The following SPATA7 variants were observed in gnomAD, a reference collection of about 807,000 sequenced individuals.
SPATA7 encodes the protein spermatogenesis associated 7.
In SPATA7, 43 loss-of-function variants were observed where a neutral mutation model predicts 51.8. The observed-to-expected ratio is 0.83, with a 90% CI of 0.65 to 1.07. SPATA7 has a LOEUF of 1.07. Among genes scored for constraint, SPATA7 ranks in the 50% least tolerant of loss-of-function variants. The pLI, the probability that SPATA7 is intolerant of heterozygous loss-of-function variation, is 0.00. For synonymous variants in SPATA7, 230 were observed against 252.8 expected, an observed-to-expected ratio of 0.91 and a Z score of 0.86; for missense variants, 683 against 701.3, an observed-to-expected ratio of 0.97 and a Z score of 0.30.
intron 10 of SPATA7, among the ~76,000 whole-genome samples, chr14:88,436,235 T>A (rs1242417030): frequency 2.0e-5 from 3 of 152,214 alleles, no homozygotes; most frequent in Admixed American, 6.5e-5. Flanking sequence ...TATTCAAATC[T>A]TTTGCCCATT....
intron 3 of SPATA7, among the ~76,000 whole-genome samples, chr14:88,454,440 T>G (rs1202392714): frequency 6.6e-6 from 1 of 152,166 alleles, no homozygotes; most frequent in African/African-American, 2.4e-5. Context: ...TTCAGGGGAT[T>G]AGGATATGGA....
intron 9 of SPATA7, among the ~76,000 whole-genome samples, chr14:88,432,247 A>T (rs2076961771): frequency 6.6e-6 from 1 of 152,110 alleles, no homozygotes; most frequent in African/African-American, 2.4e-5. Context: ...AAAATAATTT[A>T]TAAAATTTTA....
intron 9 of SPATA7, among the ~76,000 whole-genome samples, chr14:88,431,856 G>A (rs958965362): frequency 7.9e-5 from 12 of 152,020 alleles, no homozygotes; most frequent in African/African-American, 2.9e-4. Flanking sequence ...ATTCATCTGT[G>A]AACACTAATC....
intron 2 of SPATA7, chr14:88,391,799 A>C (rs1367705958): frequency 9.9e-6 from 3 of 301,664 alleles, no homozygotes; most frequent in Admixed American, 4.6e-5. Context: ...TGAAAAGGAA[A>C]AGCTGTGCAG....
chr14:88,462,774 A>C (rs2077325583), intron 4 of SPATA7, among the ~76,000 whole-genome samples: 1 of 152,222 alleles, frequency 6.6e-6, no homozygotes, highest in African/African-American at 2.4e-5. Flanking sequence ...TAATGATCAA[A>C]ACATTTATCT....
chr14:88,420,724 AT>A (rs1460170450), intron 5 of SPATA7, among the ~76,000 whole-genome samples: 9 of 152,156 alleles, frequency 5.9e-5, no homozygotes, highest in African/African-American at 1.4e-4. Flanking sequence ...GGTTGTTTTG[AT>A]GCAAACCCCA....
intron 4 of SPATA7, among the ~76,000 whole-genome samples, chr14:88,407,460 T>A (rs1398220642): frequency 6.6e-6 from 1 of 152,174 alleles, no homozygotes; most frequent in East Asian, 1.9e-4. Flanking sequence ...TTTGATAGGG[T>A]TGGTTTTTTC....
intron 5 of SPATA7, among the ~76,000 whole-genome samples, chr14:88,423,159 C>A (rs971242787): frequency 1.3e-5 from 2 of 152,070 alleles, no homozygotes; most frequent in Non-Finnish European, 2.9e-5. Context: ...TGCTCCCATA[C>A]TACTCGTTTG....
intron 4 of SPATA7, among the ~76,000 whole-genome samples, chr14:88,414,064 T>TAGATTGGGTTTCATAGAATGAGTTAGGGA (rs1375975123): frequency 2.6e-5 from 4 of 152,132 alleles, no homozygotes; most frequent in Non-Finnish European, 4.4e-5. Flanking sequence ...GCTGGTTTCA[T>TAGATTGGGTTTCATAGAATGAGTTAGGGA]AGATTGGGTT....
chr14:88,452,716 C>T (rs897729350), intron 3 of SPATA7, among the ~76,000 whole-genome samples: 2 of 152,132 alleles, frequency 1.3e-5, no homozygotes, highest in African/African-American at 2.4e-5. Flanking sequence ...TCCAGTATAC[C>T]CCCTGCTGCT....
chr14:88,437,957 G>A lies in SPATA7; in HGVS notation c.1335G>A (p.Gly445=), dbSNP rs2077136640. Residue 445 remains glycine, a synonymous_variant, in exon 12 of 12, where the codon GGG becomes GGA. Transcript: ENST00000393545. Reference sequence around the variant, plus strand: ...ATGTATTTGATTTTGAAAAGGCTGGGAATTCAGAACCAAATGAATTAAAAA... The same window carrying A: ...ATGTATTTGATTTTGAAAAGGCTGGAAATTCAGAACCAAATGAATTAAAAA... ...MLNVFDFEKA[G]NSEPNELKNE... 2 of 1,613,810 alleles carry A rather than the reference G, an allele frequency of 1.2e-6. No homozygotes were observed. Among genetic ancestry groups the A allele is most frequent in the South Asian group, 2.2e-5 (2 of 91,062 alleles).
chr14:88,433,044 T>G, intron 9 of SPATA7, 91 bp from the exon 10 acceptor site: 1 of 928,092 alleles, frequency 1.1e-6, no homozygotes, highest in East Asian at 2.5e-5. Flanking sequence ...ATGGTAGAGA[T>G]AGATATTTCT....
At chr14:88,454,768 A>C (rs1343982546) in intron 3 of SPATA7, among the ~76,000 whole-genome samples, 1 of 152,122 alleles carries the variant, frequency 6.6e-6, no homozygotes, top group Non-Finnish European at 1.5e-5. Context: ...TGATCAGGCC[A>C]CTTCACTCCA....
intron 4 of SPATA7, chr14:88,415,288 C>T (rs1161066539): frequency 6.3e-6 from 2 of 319,694 alleles, no homozygotes; most frequent in African/African-American, 4.3e-5. Context: ...GGAATTGAAT[C>T]CTTCGTCATT....
chr14:88,406,242 T>C (rs1020478528), intron 4 of SPATA7, among the ~76,000 whole-genome samples: 10 of 152,064 alleles, frequency 6.6e-5, no homozygotes, highest in Admixed American at 6.5e-4. Context: ...TTTAAATAAT[T>C]TAATTTTTAT....
At position 88,386,033 on chromosome 14, in the gene SPATA7, T is replaced by C; in HGVS notation, c.19+196T>C. The C allele has an allele frequency of 2.8e-6, 4 of 1,446,704 alleles. No homozygotes were observed. The South Asian group carries it at 4.2e-5, about 15-fold the overall frequency. 89.6% of individuals were successfully genotyped at this position (1,446,704 alleles called of 1,614,324 possible). A position where few individuals can be genotyped will look rare whatever the true frequency, so the allele number is the denominator to read the frequency against. ...AGAGCCTGCTTGCCAGCCTCGCAGG[T>C]CCGCTTCTTTGCCCTGAATTTGTCG... On this transcript the variant is annotated intron_variant, in intron 1 of 11. Transcript: ENST00000393545.
At chr14:88,391,564 T>G (rs2075745714) in intron 2 of SPATA7, 109 bp downstream of exon 2, 1 of 879,406 alleles carries the variant, frequency 1.1e-6, no homozygotes, top group Non-Finnish European at 1.9e-6. Flanking sequence ...GACGAATATT[T>G]GAACTTCATA....
chr14:88,455,274 A>T (rs2077276882), exon 4 of SPATA7: 1 of 351,432 alleles, frequency 2.8e-6, no homozygotes, highest in South Asian at 2.3e-5. Context: ...GATGCATTCT[A>T]ACTCTTAAAG....
chr14:88,457,461 C>G (rs543663301), downstream of SPATA7, among the ~76,000 whole-genome samples: 1 of 151,994 alleles, frequency 6.6e-6, no homozygotes, highest in African/African-American at 2.4e-5. Context: ...AGTTGGATTC[C>G]TAGGTATTTT....
Sources: gnomAD v4.1 joint callset for allele counts (sites outside exome capture counted in the v4.1 genomes callset) on GRCh38, gnomAD v4.1.1 for gene constraint, MANE v1.5 for transcripts, NCBI Gene and HGNC (gene_info 2026-07-23, HGNC 2026-07-21) for gene names.